CENPW: variants seen among roughly 807,000 people sequenced by gnomAD.
The protein encoded by CENPW is centromere protein W.
In CENPW, 3 loss-of-function variants were observed where a neutral mutation model predicts 11.1. That is an observed-to-expected ratio of 0.27 (90% CI 0.12 to 0.70). The LOEUF (loss-of-function observed/expected upper bound fraction) is 0.70. Among genes scored for constraint, CENPW ranks in the 30% least tolerant of loss-of-function variants. The pLI, the probability that CENPW is intolerant of heterozygous loss-of-function variation, is 0.77. For missense variants in CENPW, 100 were observed against 105.6 expected, an observed-to-expected ratio of 0.95 and a Z score of 0.23; for synonymous variants, 38 against 42.0, an observed-to-expected ratio of 0.91 and a Z score of 0.37.
chr6:126,375,018 A>G, the CENPW span, among the ~76,000 whole-genome samples: 1 of 152,196 alleles, frequency 6.6e-6, no homozygotes, highest in African/African-American at 2.4e-5. Flanking sequence ...TTTGCTCCTC[A>G]GGTTAATTTT....
At chr6:126,442,381 C>T in the CENPW span, among the ~76,000 whole-genome samples, 4 of 151,056 alleles carry the variant, frequency 2.6e-5, no homozygotes, top group Admixed American at 2.6e-4. Context: ...CATAATTACA[C>T]TAAAAAGCTT....
chr6:126,439,684 C>A, the CENPW span, among the ~76,000 whole-genome samples: 1 of 151,608 alleles, frequency 6.6e-6, no homozygotes, highest in Non-Finnish European at 1.5e-5. Context: ...TGTAGTTTAT[C>A]AAAGCTAAAA....
chr6:126,435,990 G>A, the CENPW span, among the ~76,000 whole-genome samples: 1 of 151,778 alleles, frequency 6.6e-6, no homozygotes, highest in Non-Finnish European at 1.5e-5. Context: ...GCTTATAAAT[G>A]ATTGCATACA....
At chr6:126,461,809 A>C in the CENPW span, among the ~76,000 whole-genome samples, 238 of 152,070 alleles carry the variant, frequency 1.6e-3, 2 homozygotes, top group Non-Finnish European at 1.3e-3. Flanking sequence ...TCAATATGTG[A>C]CATTAAAATA....
chr6:126,473,639 A>G, the CENPW span, among the ~76,000 whole-genome samples: 1 of 151,690 alleles, frequency 6.6e-6, no homozygotes, highest in Non-Finnish European at 1.5e-5. Context: ...AGGCTGAGGC[A>G]AGAGATTCGC....
At chr6:126,402,716 T>C in the CENPW span, among the ~76,000 whole-genome samples, 1 of 152,100 alleles carries the variant, frequency 6.6e-6, no homozygotes, top group African/African-American at 2.4e-5. Context: ...TGAATAATAT[T>C]CTATTGTATG....
the CENPW span, among the ~76,000 whole-genome samples, chr6:126,360,219 T>C: frequency 1.3e-5 from 2 of 152,206 alleles, no homozygotes; most frequent in African/African-American, 2.4e-5. Context: ...TTGGTTGGAA[T>C]TGCTTTACTT....
the CENPW span, among the ~76,000 whole-genome samples, chr6:126,437,635 A>G: frequency 6.6e-6 from 1 of 151,926 alleles, no homozygotes; most frequent in Non-Finnish European, 1.5e-5. Flanking sequence ...GTGCTTTTTA[A>G]TGTTTCCAAG....
chr6:126,441,203 G>A, the CENPW span, among the ~76,000 whole-genome samples: 2 of 151,364 alleles, frequency 1.3e-5, no homozygotes, highest in Admixed American at 6.6e-5. Context: ...GGCTAGCAAC[G>A]ATCTAAGTTT....
chr6:126,360,123 A>G, the CENPW span, among the ~76,000 whole-genome samples: 1 of 152,184 alleles, frequency 6.6e-6, no homozygotes, highest in Non-Finnish European at 1.5e-5. Context: ...GTCTAATTGT[A>G]ACAAATTCCC....
At chr6:126,379,589 G>A in the CENPW span, among the ~76,000 whole-genome samples, 2 of 152,158 alleles carry the variant, frequency 1.3e-5, no homozygotes, top group African/African-American at 4.8e-5. Flanking sequence ...AATGTGGTCT[G>A]AATCCCATCC....
chr6:126,472,230 C>T, the CENPW span, among the ~76,000 whole-genome samples: 1 of 152,100 alleles, frequency 6.6e-6, no homozygotes, highest in Non-Finnish European at 1.5e-5. Flanking sequence ...TATGTATACA[C>T]CCATGAAAAC....
the CENPW span, among the ~76,000 whole-genome samples, chr6:126,442,922 T>G: frequency 6.6e-6 from 1 of 151,306 alleles, no homozygotes; most frequent in East Asian, 2.0e-4. Flanking sequence ...TTTCAGTTCT[T>G]TATTTTTATA....
chr6:126,421,578 C>T, the CENPW span, among the ~76,000 whole-genome samples: 1 of 129,620 alleles, frequency 7.7e-6, no homozygotes, highest in South Asian at 3.2e-4. Flanking sequence ...TTTTCTAACA[C>T]TTTCTTTTTT....
At chr6:126,396,679 C>T in the CENPW span, among the ~76,000 whole-genome samples, 1 of 152,204 alleles carries the variant, frequency 6.6e-6, no homozygotes, top group South Asian at 2.1e-4. Flanking sequence ...GAAGCCAGCA[C>T]ATCTGAGAGT....
chr6:126,404,286 T>C, the CENPW span, among the ~76,000 whole-genome samples: 33 of 152,122 alleles, frequency 2.2e-4, no homozygotes, highest in Non-Finnish European at 8.8e-5. Context: ...AGGAGTAATT[T>C]TGGCTGTCAT....
At chr6:126,439,858 T>G in the CENPW span, among the ~76,000 whole-genome samples, 1 of 151,642 alleles carries the variant, frequency 6.6e-6, no homozygotes, top group Admixed American at 6.6e-5. Flanking sequence ...TGTATCATAT[T>G]TAAACCATTC....
the CENPW span, among the ~76,000 whole-genome samples, chr6:126,362,756 C>T: frequency 1.3e-5 from 2 of 152,144 alleles, no homozygotes; most frequent in South Asian, 4.2e-4. Context: ...TTTCTATGTC[C>T]TGTCTTCTGA....
chr6:126,371,943 C>G, the CENPW span, among the ~76,000 whole-genome samples: 1 of 151,872 alleles, frequency 6.6e-6, no homozygotes, highest in Non-Finnish European at 1.5e-5. Context: ...AATCTTATTT[C>G]ATTTCTAATT....
Sources: gnomAD v4.1 joint callset for allele counts (sites outside exome capture counted in the v4.1 genomes callset) on GRCh38, gnomAD v4.1.1 for gene constraint, MANE v1.5 for transcripts, NCBI Gene and HGNC (gene_info 2026-07-23, HGNC 2026-07-21) for gene names.